The following ABLIM2 variants were observed in gnomAD, a reference collection of about 807,000 sequenced individuals.
ABLIM2 encodes the protein actin binding LIM protein family member 2, also known as actin-binding LIM protein 2.
A neutral mutation model predicts 97.7 loss-of-function variants in ABLIM2; 53 were observed. The ratio of observed to expected loss-of-function variants is 0.54; its 90% CI spans 0.44 to 0.68. The LOEUF is 0.68. ABLIM2 is among the 30% of genes least tolerant of loss of function. The pLI is 0.00. For missense variants in ABLIM2, 835 were observed against 867.2 expected (o/e 0.96, Z 0.47); for synonymous variants, 361 against 345.8 (o/e 1.04, Z -0.49).
Position 7,998,477 on chromosome 4 carries a change from C to T in ABLIM2, c.1619-5550G>A, listed in dbSNP as rs904517642. 1.4e-5 allele frequency among the ~76,000 whole-genome samples: 2 copies of T among 145,368 alleles called. No homozygotes were observed. The highest frequency in any genetic ancestry group is 5.0e-5 in the African/African-American group (2 of 39,606). On this transcript the variant is annotated intron_variant, in intron 16 of 20. Coordinates refer to ENST00000447017, the MANE Select transcript of ABLIM2 (RefSeq NM_001130083.2). The surrounding 1 kb of genome is among the most constrained non-coding windows in gnomAD (Gnocchi z 6.4). ...CCGGTCTGCCCACCTGGGTCCCTGC[C>T]GGTGCTGCCTGTGGGGATAAAATGC...
intron 3 of ABLIM2, among the ~76,000 whole-genome samples, chr4:8,091,278 T>A (rs1429527891): frequency 1.9e-5 from 1 of 51,802 alleles, no homozygotes; most frequent in Non-Finnish European, 4.0e-5. Flanking sequence ...TGTATATATA[T>A]AATTATATAT....
rs528919212 is a variant in ABLIM2, at chr4:8,066,913, C to T, written c.676-5859G>A. 2.0e-5 allele frequency: 3 copies of T among 152,320 alleles called. No individual in the cohort carries two copies. The South Asian group carries it at 6.2e-4, about 32-fold the overall frequency. 9.4% of individuals were successfully genotyped at this position (152,320 alleles called of 1,614,324 possible). On this transcript the variant is annotated intron_variant, in intron 6 of 20. Transcript: ENST00000447017. ...GTACGTTACGTGAATGTCACCTCAA[C>T]TTTTTAAAGAAGAGCTGATCCCCAA...
At chr4:7,993,041 G>A (rs754226986) in intron 16 of ABLIM2, 114 bp from the exon 17 acceptor site, 9 of 1,091,504 alleles carry the variant, frequency 8.2e-6, no homozygotes, top group Non-Finnish European at 1.1e-5. Context: ...GCAACACAGG[G>A]GAGGCCCCCT....
Position 8,002,397 on chromosome 4 carries a change from T to C in ABLIM2, c.1618+5662A>G, listed in dbSNP as rs552134046. ...CACCATGTGGGCCCTGCCAGTGAGATCCTTCCAGGGCCCCCCACTGCTTTT... is the reference window on the plus strand; with the variant it reads ...CACCATGTGGGCCCTGCCAGTGAGACCCTTCCAGGGCCCCCCACTGCTTTT... On this transcript the variant is annotated intron_variant, in intron 16 of 20. Transcript: ENST00000447017. The surrounding 1 kb of genome is among the most constrained non-coding windows in gnomAD (Gnocchi z 6.1). Among the ~76,000 whole-genome samples the C allele has an allele frequency of 4.3e-4, 65 of 152,202 alleles. No individual in the cohort carries two copies. In the East Asian group the frequency reaches 9.5e-3, roughly 22 times the overall value.
chr4:8,084,942 C>A (rs1457993623), intron 4 of ABLIM2, among the ~76,000 whole-genome samples: 1 of 152,224 alleles, frequency 6.6e-6, no homozygotes, highest in African/African-American at 2.4e-5. Flanking sequence ...CTGTGACAGG[C>A]TCGTGACCAG....
rs78677118 is a variant in ABLIM2, at chr4:7,993,399, C to A, written c.1619-472G>T. ...GAGGCAATCTTATTTTAATAAACTT[C>A]TTGGCTGGGCATGTTGGCTCATGCC... On this transcript the variant is annotated intron_variant, in intron 16 of 20. Coordinates refer to ENST00000447017, the MANE Select transcript of ABLIM2 (RefSeq NM_001130083.2). Among the ~76,000 whole-genome samples the A allele has an allele frequency of 3.6e-3, 550 of 152,330 alleles. 3 individuals are homozygous for A. Among genetic ancestry groups the A allele is most frequent in the African/African-American group, 0.013 (525 of 41,584 alleles).
chr4:8,091,333 T>TA (rs1163282682), intron 3 of ABLIM2, among the ~76,000 whole-genome samples: 3 of 24,954 alleles, frequency 1.2e-4, no homozygotes, highest in African/African-American at 4.4e-4. Flanking sequence ...ATATATATTA[T>TA]ATATATAATA....
intron 14 of ABLIM2, among the ~76,000 whole-genome samples, chr4:8,011,862 T>C (rs1158416278): frequency 6.6e-6 from 1 of 152,204 alleles, no homozygotes; most frequent in Non-Finnish European, 1.5e-5. Context: ...CAAATTTTTT[T>C]TTCTGGATAC....
At chr4:8,048,560 T>G (rs1022047422) in intron 8 of ABLIM2, among the ~76,000 whole-genome samples, 3 of 152,170 alleles carry the variant, frequency 2.0e-5, no homozygotes, top group Non-Finnish European at 2.9e-5. Flanking sequence ...AGAACTCCAA[T>G]GCCAAGCCTC....
rs1768580156 is a variant in ABLIM2 at position 8,015,743 on chromosome 4, A to AT, written c.1423+3874dup. ...GAGCTGCATTGCCATCTGGTGGCTC[A>AT]TGTTTGCTTAGAAATGAAACAGCAA... On this transcript the variant is annotated intron_variant, in intron 14 of 20. Transcript: ENST00000447017. The surrounding 1 kb of genome is among the most constrained non-coding windows in gnomAD (Gnocchi z 4.6). Among the ~76,000 whole-genome samples, 1 of 152,108 alleles carries AT rather than the reference A, an allele frequency of 6.6e-6. No individual in the cohort carries two copies. The highest frequency in any genetic ancestry group is 2.1e-4 in the South Asian group (1 of 4,824).
Position 8,155,255 on chromosome 4 carries a change from T to G in ABLIM2, c.10+3425A>C, listed in dbSNP as rs6816775. Among the ~76,000 whole-genome samples the G allele has an allele frequency of 0.2, 30,874 of 152,138 alleles. 3,284 individuals carry two copies. Among genetic ancestry groups the G allele is most frequent in the African/African-American group, 0.22 (9,316 of 41,498 alleles). On this transcript the variant is annotated intron_variant, in intron 1 of 20. Transcript: ENST00000447017. The surrounding 1 kb of genome is among the most constrained non-coding windows in gnomAD (Gnocchi z 4.2). The stretch of plus-strand genomic sequence containing the variant: ...CTAACATTTTGTTGTTACTAGTAAG[T>G]CTGAGATGAATGTTTCTGTGGCTAC...
chr4:8,142,771 A>G (rs1204327221), intron 1 of ABLIM2, among the ~76,000 whole-genome samples: 2 of 152,184 alleles, frequency 1.3e-5, no homozygotes, highest in Admixed American at 6.5e-5. Flanking sequence ...ACTTCCTGCA[A>G]TTGTGCAGCA....
chr4:8,109,427 C>G (rs1289580961), intron 1 of ABLIM2, among the ~76,000 whole-genome samples: 1 of 152,256 alleles, frequency 6.6e-6, no homozygotes, highest in African/African-American at 2.4e-5. Flanking sequence ...GCTGATTGAG[C>G]TCTGAGCCTG....
chr4:8,116,165 A>G (rs1842688890), intron 1 of ABLIM2, among the ~76,000 whole-genome samples: 1 of 152,180 alleles, frequency 6.6e-6, no homozygotes. Context: ...CCAACCCGTG[A>G]ATGTAACAGG....
Position 8,082,807 on chromosome 4 carries a change from G to A in ABLIM2, c.455-2005C>T, listed in dbSNP as rs1820768831. On this transcript the variant is annotated intron_variant, in intron 4 of 20. Transcript: ENST00000447017. This position sits in a 1 kb window ranked among gnomAD's most constrained non-coding sequence, Gnocchi z 5.6. Reference sequence around the variant, plus strand: ...GCCTCCGCCCTTCTCAAGTCCAGGAGGCGACCCCCACATCACCCAATCTGC... The same window carrying A: ...GCCTCCGCCCTTCTCAAGTCCAGGAAGCGACCCCCACATCACCCAATCTGC... Among the ~76,000 whole-genome samples the A allele has an allele frequency of 1.3e-5, 2 of 152,206 alleles. No homozygotes were observed. The highest frequency in any genetic ancestry group is 2.4e-5 in the African/African-American group (1 of 41,458).
chr4:7,987,270 G>A (rs992393074), intron 17 of ABLIM2, among the ~76,000 whole-genome samples: 8 of 151,768 alleles, frequency 5.3e-5, no homozygotes, highest in East Asian at 1.9e-4. Flanking sequence ...GAGCCACTGC[G>A]CCTGGCCATG....
chr4:8,085,327 C>A lies in ABLIM2; in HGVS notation c.454+2842G>T, dbSNP rs1416667779. 2.6e-5 allele frequency among the ~76,000 whole-genome samples: 4 copies of A among 152,190 alleles called. No individual in the cohort carries two copies. The highest frequency in any genetic ancestry group is 9.6e-5 in the African/African-American group (4 of 41,462). On this transcript the variant is annotated intron_variant, in intron 4 of 20. Coordinates refer to ENST00000447017, the MANE Select transcript of ABLIM2 (RefSeq NM_001130083.2). This position sits in a 1 kb window ranked among gnomAD's most constrained non-coding sequence, Gnocchi z 6.1. ...CATTCTGGACTGACTTGACTCTACCCCACTCCACAACCATCTATTGCTCCT... is the reference window on the plus strand; with the variant it reads ...CATTCTGGACTGACTTGACTCTACCACACTCCACAACCATCTATTGCTCCT...
At position 8,075,780 on chromosome 4, in the gene ABLIM2, C is replaced by T. The variant is rs975714185; in HGVS notation, c.675+1848G>A. On this transcript the variant is annotated intron_variant, in intron 6 of 20. Coordinates refer to ENST00000447017, the MANE Select transcript of ABLIM2 (RefSeq NM_001130083.2). This position sits in a 1 kb window ranked among gnomAD's most constrained non-coding sequence, Gnocchi z 4.4. ...CTCAATGAAGCTATTTAAAAAGACC[C>T]CACAATACCAAAAGAAGAAATGCTT... 2.0e-5 allele frequency among the ~76,000 whole-genome samples: 3 copies of T among 152,132 alleles called. No homozygotes were observed. The highest frequency in any genetic ancestry group is 4.4e-5 in the Non-Finnish European group (3 of 68,036).
At position 8,003,509 on chromosome 4, in the gene ABLIM2, C is replaced by T. The variant is rs1009391954; in HGVS notation, c.1618+4550G>A. On this transcript the variant is annotated intron_variant, in intron 16 of 20. Coordinates refer to ENST00000447017, the MANE Select transcript of ABLIM2 (RefSeq NM_001130083.2). This position sits in a 1 kb window ranked among gnomAD's most constrained non-coding sequence, Gnocchi z 4.2. Reference sequence around the variant, plus strand: ...GTTGGGGACTGCCTGAATCTGTTGACTGGCAGCTCCCACCCACTGTCTCTG... The same window carrying T: ...GTTGGGGACTGCCTGAATCTGTTGATTGGCAGCTCCCACCCACTGTCTCTG... Among the ~76,000 whole-genome samples the T allele has an allele frequency of 5.3e-5, 8 of 151,564 alleles. No individual in the cohort carries two copies. Among genetic ancestry groups the T allele is most frequent in the Non-Finnish European group, 1.2e-4 (8 of 67,970 alleles).
Sources: gnomAD v4.1 joint callset for allele counts (sites outside exome capture counted in the v4.1 genomes callset) on GRCh38, gnomAD v4.1.1 for gene constraint, Gnocchi (gnomAD v3.1) non-coding constraint, MANE v1.5 for transcripts, NCBI Gene and HGNC (gene_info 2026-07-23, HGNC 2026-07-21) for gene names.